TSGA10: variants seen among roughly 807,000 people sequenced by gnomAD.
TSGA10 encodes the protein testis specific 10.
TSGA10 carries 43 observed loss-of-function variants against 96.6 expected under a neutral mutation model. The observed-to-expected ratio is 0.44, with a 90% CI of 0.35 to 0.57. The LOEUF (loss-of-function observed/expected upper bound fraction) is 0.57. Ranked by LOEUF, TSGA10 falls within the 20% of genes least tolerant of loss-of-function variation. TSGA10 has a pLI of 0.01. For synonymous variants in TSGA10, 229 were observed against 269.9 expected, an observed-to-expected ratio of 0.85 and a Z score of 1.48; for missense variants, 703 against 834.4, an observed-to-expected ratio of 0.84 and a Z score of 1.94.
chr2:99,023,262 A>C (rs2080213186), intron 17 of TSGA10, among the ~76,000 whole-genome samples: 1 of 152,154 alleles, frequency 6.6e-6, no homozygotes, highest in African/African-American at 2.4e-5. Flanking sequence ...GGCCTCCCAA[A>C]GTGCTAGGAT....
chr2:99,082,826 A>G (rs1011128609), intron 10 of TSGA10, among the ~76,000 whole-genome samples: 1 of 152,232 alleles, frequency 6.6e-6, no homozygotes, highest in Non-Finnish European at 1.5e-5. Flanking sequence ...GTTTAAATAC[A>G]AACACATAAA....
chr2:99,042,658 C>T (rs1461348273), intron 16 of TSGA10, among the ~76,000 whole-genome samples: 1 of 151,864 alleles, frequency 6.6e-6, no homozygotes, highest in African/African-American at 2.4e-5. Flanking sequence ...CGTATATGTG[C>T]AAAAGTGCAT....
At chr2:99,006,711 T>C (rs944127235) in intron 20 of TSGA10, among the ~76,000 whole-genome samples, 3 of 152,152 alleles carry the variant, frequency 2.0e-5, no homozygotes, top group South Asian at 2.1e-4. Flanking sequence ...TGTAAACTAG[T>C]TCAACCATTG....
intron 10 of TSGA10, 100 bp from the exon 11 acceptor site, chr2:99,081,497 T>C (rs1229882595): frequency 4.3e-6 from 2 of 463,136 alleles, no homozygotes; most frequent in Non-Finnish European, 7.6e-6. Flanking sequence ...AATATATTTA[T>C]TTCCTCTTAA....
At chr2:99,079,814 G>C (rs1047601450) in intron 11 of TSGA10, among the ~76,000 whole-genome samples, 1 of 152,120 alleles carries the variant, frequency 6.6e-6, no homozygotes, top group African/African-American at 2.4e-5. Context: ...TCCCTACTAG[G>C]TTAATACCTG....
At chr2:99,095,490 TA>T (rs1261818709) in intron 10 of TSGA10, among the ~76,000 whole-genome samples, 2 of 152,220 alleles carry the variant, frequency 1.3e-5, no homozygotes, top group African/African-American at 4.8e-5. Context: ...AATGATTCTT[TA>T]AAAAATTCTA....
At chr2:99,003,046 A>T (rs2104798808) in intron 20 of TSGA10, among the ~76,000 whole-genome samples, 1 of 152,154 alleles carries the variant, frequency 6.6e-6, no homozygotes, top group South Asian at 2.1e-4. Context: ...TTTAGTAGAG[A>T]CAGGGTTTCA....
intron 4 of TSGA10, among the ~76,000 whole-genome samples, chr2:99,113,858 A>G (rs886928429): frequency 2.0e-5 from 3 of 152,134 alleles, no homozygotes; most frequent in East Asian, 3.9e-4. Flanking sequence ...TCATCTTGAT[A>G]ACAATTTCCT....
At chr2:99,100,819 C>CAAAAA (rs70940133) in intron 10 of TSGA10, among the ~76,000 whole-genome samples, 2 of 69,724 alleles carry the variant, frequency 2.9e-5, no homozygotes, top group Non-Finnish European at 5.2e-5. Flanking sequence ...GACTCCGTCT[C>CAAAAA]AAAAAAAAAA....
intron 1 of TSGA10, among the ~76,000 whole-genome samples, chr2:99,134,976 A>G (rs1260323433): frequency 6.6e-6 from 1 of 152,132 alleles, no homozygotes; most frequent in African/African-American, 2.4e-5. Flanking sequence ...GCTTCGTCCC[A>G]GAGGGGCACC....
intron 10 of TSGA10, among the ~76,000 whole-genome samples, chr2:99,089,579 G>A (rs982336665): frequency 4.6e-5 from 7 of 152,144 alleles, no homozygotes; most frequent in Non-Finnish European, 8.8e-5. Flanking sequence ...GGGCACAGTG[G>A]GAGTGAGATT....
intron 10 of TSGA10, among the ~76,000 whole-genome samples, chr2:99,087,939 A>G (rs527419469): frequency 6.6e-6 from 1 of 152,342 alleles, no homozygotes; most frequent in Admixed American, 6.5e-5. Context: ...GAAAATACAG[A>G]TTAAAACCAC....
chr2:98,998,703 C>T (rs984891120), intron 20 of TSGA10, among the ~76,000 whole-genome samples: 1 of 152,024 alleles, frequency 6.6e-6, no homozygotes, highest in African/African-American at 2.4e-5. Flanking sequence ...TATATATACA[C>T]ATACAAACAA....
intron 11 of TSGA10, among the ~76,000 whole-genome samples, chr2:99,079,545 ACTC>A (rs1232638569): frequency 1.3e-5 from 2 of 151,136 alleles, no homozygotes; most frequent in African/African-American, 4.9e-5. Flanking sequence ...TGCTTTAAAA[ACTC>A]CTTCTTTCCC....
intron 17 of TSGA10, among the ~76,000 whole-genome samples, chr2:99,033,357 G>C (rs1468347189): frequency 2.6e-5 from 4 of 152,130 alleles, no homozygotes; most frequent in Non-Finnish European, 5.9e-5. Flanking sequence ...ACTTTCTAAA[G>C]GTGTATCACT....
chr2:99,152,905 A>T (rs1429139181), intron 1 of TSGA10, among the ~76,000 whole-genome samples: 3 of 152,254 alleles, frequency 2.0e-5, no homozygotes, highest in Non-Finnish European at 4.4e-5. Context: ...AGGCAGTTGT[A>T]TCTATGGAAC....
At chr2:99,152,982 C>T (rs866346373) in intron 1 of TSGA10, among the ~76,000 whole-genome samples, 2 of 152,030 alleles carry the variant, frequency 1.3e-5, no homozygotes, top group African/African-American at 4.8e-5. Flanking sequence ...AATGAAATTG[C>T]TTAAGGAAAA....
At position 99,082,223 on chromosome 2, in the gene TSGA10, T is replaced by A. The variant is rs576147797; in HGVS notation, c.612-826A>T. ...CCTTGAGTCTGTGTCCAGCATAGCA[T>A]CCATATCTAACAAAGGATTTAGAGC... On this transcript the variant is annotated intron_variant, in intron 10 of 20. Coordinates refer to ENST00000393483, the MANE Select transcript of TSGA10 (RefSeq NM_025244.4). 1.6e-3 allele frequency among the ~76,000 whole-genome samples: 247 copies of A among 152,328 alleles called. 1 individual carries two copies. Among genetic ancestry groups the A allele is most frequent in the Non-Finnish European group, 2.6e-3 (177 of 68,028 alleles).
At chr2:99,138,607 G>A (rs2093414739) in intron 1 of TSGA10, among the ~76,000 whole-genome samples, 1 of 152,196 alleles carries the variant, frequency 6.6e-6, no homozygotes, top group Non-Finnish European at 1.5e-5. Context: ...CTTCTTTTAG[G>A]AAGCATGATT....
Sources: gnomAD v4.1 joint callset for allele counts (sites outside exome capture counted in the v4.1 genomes callset) on GRCh38, gnomAD v4.1.1 for gene constraint, MANE v1.5 for transcripts, NCBI Gene and HGNC (gene_info 2026-07-23, HGNC 2026-07-21) for gene names.